Variants in NFATC3 observed in about 807,000 individuals in gnomAD.
The protein encoded by NFATC3 is nuclear factor of activated T-cells, cytoplasmic 3.
In NFATC3, 46 loss-of-function variants were observed where a neutral mutation model predicts 98.6. The observed-to-expected ratio is 0.47, with a 90% CI of 0.37 to 0.60. The LOEUF is 0.60. Among genes scored for constraint, NFATC3 ranks in the 20% least tolerant of loss-of-function variants. NFATC3 has a pLI of 0.00. For synonymous variants in NFATC3, 512 were observed against 472.2 expected (o/e 1.08, Z -1.09); for missense variants, 1,256 against 1,295.5 (o/e 0.97, Z 0.47).
intron 1 of NFATC3, among the ~76,000 whole-genome samples, chr16:68,105,665 T>C (rs935387465): frequency 7.2e-5 from 11 of 152,152 alleles, no homozygotes; most frequent in African/African-American, 2.2e-4. Flanking sequence ...ATGTGAGAAG[T>C]AGTGCTGTTA....
intron 1 of NFATC3, among the ~76,000 whole-genome samples, chr16:68,099,625 TAATAATAAA>T (rs1205886606): frequency 4.0e-5 from 6 of 150,836 alleles, no homozygotes; most frequent in African/African-American, 1.5e-4. Context: ...ATAATAATAA[TAATAATAAA>T]AAATATAGAA....
chr16:68,114,513 A>G (rs2036161576), intron 1 of NFATC3, among the ~76,000 whole-genome samples: 1 of 152,028 alleles, frequency 6.6e-6, no homozygotes, highest in Admixed American at 6.5e-5. Context: ...TGACTCTTCA[A>G]TAAATAACAA....
chr16:68,087,186 A>T (rs2034427894), intron 1 of NFATC3, among the ~76,000 whole-genome samples: 1 of 152,238 alleles, frequency 6.6e-6, no homozygotes, highest in Non-Finnish European at 1.5e-5. Flanking sequence ...TTTTATTGTA[A>T]AAGAGATAAA....
chr16:68,225,343 A>T (rs1433610986), intron 9 of NFATC3: 1 of 152,244 alleles, frequency 6.6e-6, no homozygotes, highest in African/African-American at 2.4e-5. Flanking sequence ...TACAACCTGT[A>T]ATCTATTTTC....
intron 9 of NFATC3, among the ~76,000 whole-genome samples, chr16:68,213,138 G>A (rs1383624177): frequency 3.3e-5 from 5 of 151,084 alleles, no homozygotes; most frequent in Admixed American, 6.6e-5. Flanking sequence ...TTCAGGGGCC[G>A]GGTGCAGTGG....
At position 68,221,483 on chromosome 16, in the gene NFATC3, A is replaced by G. The variant is rs1035212684; in HGVS notation, c.3107-4867A>G. ...TTACTTGAGCATGATTTTTGTTGTC[A>G]TTGTTCCAAGTCCCCAAATTGTTTT... is the stretch of plus-strand genomic sequence containing the variant. On this transcript the variant is annotated intron_variant, in intron 9 of 9. Transcript: ENST00000346183. 3.9e-6 allele frequency: 5 copies of G among 1,289,434 alleles called. No homozygotes were observed. In the African/African-American group the frequency reaches 6.0e-5, roughly 15 times the overall value. The allele number at this position is 1,289,434 out of a possible 1,614,324, so 79.9% of individuals were successfully genotyped here.
At chr16:68,206,520 T>C (rs959437356) in intron 9 of NFATC3, among the ~76,000 whole-genome samples, 2 of 152,248 alleles carry the variant, frequency 1.3e-5, no homozygotes, top group African/African-American at 2.4e-5. Context: ...GTCTGGCTTA[T>C]TTCACTTAGC....
intron 5 of NFATC3, among the ~76,000 whole-genome samples, chr16:68,168,706 G>A (rs550008342): frequency 6.5e-4 from 97 of 149,530 alleles, no homozygotes; most frequent in African/African-American, 2.0e-3. Context: ...GGCTAGTCTC[G>A]AACTCCTGAC....
chr16:68,114,236 C>T (rs1046409537), intron 1 of NFATC3, among the ~76,000 whole-genome samples: 4 of 152,160 alleles, frequency 2.6e-5, no homozygotes, highest in Non-Finnish European at 5.9e-5. Context: ...CTCTACCCTG[C>T]TTTTCCTAGC....
chr16:68,086,357 C>T (rs909183193), intron 1 of NFATC3, among the ~76,000 whole-genome samples: 1 of 152,002 alleles, frequency 6.6e-6, no homozygotes, highest in Non-Finnish European at 1.5e-5. Flanking sequence ...ACTGGATTTC[C>T]TTACTTGAAT....
At chr16:68,177,777 CTTTCTCTT>C (rs2080213129) in intron 6 of NFATC3, among the ~76,000 whole-genome samples, 1 of 152,032 alleles carries the variant, frequency 6.6e-6, no homozygotes, top group Non-Finnish European at 1.5e-5. Context: ...TAAATATTCC[CTTTCTCTT>C]AAATCTGTCA....
At chr16:68,160,421 C>T (rs1296717726) in intron 4 of NFATC3, among the ~76,000 whole-genome samples, 5 of 151,914 alleles carry the variant, frequency 3.3e-5, no homozygotes, top group African/African-American at 9.7e-5. Context: ...CCCCAGATTG[C>T]GCCATTGCAC....
At chr16:68,206,135 G>A (rs2041134828) in intron 9 of NFATC3, among the ~76,000 whole-genome samples, 1 of 152,096 alleles carries the variant, frequency 6.6e-6, no homozygotes, top group Admixed American at 6.6e-5. Context: ...TTTTAAAAGA[G>A]GGATTTACAA....
intron 1 of NFATC3, among the ~76,000 whole-genome samples, chr16:68,098,385 C>G (rs2035155509): frequency 6.7e-6 from 1 of 149,784 alleles, no homozygotes. Flanking sequence ...ACTGCAACCT[C>G]CCAACTCCCT....
At chr16:68,173,894 A>T (rs2039577997) in intron 5 of NFATC3, among the ~76,000 whole-genome samples, 1 of 152,176 alleles carries the variant, frequency 6.6e-6, no homozygotes, top group Admixed American at 6.5e-5. Flanking sequence ...CAAGCCTATA[A>T]TGCCAGCACT....
At chr16:68,177,297 C>T (rs928426647) in intron 6 of NFATC3, among the ~76,000 whole-genome samples, 3 of 152,056 alleles carry the variant, frequency 2.0e-5, no homozygotes, top group Non-Finnish European at 2.9e-5. Context: ...GTGATCCGCC[C>T]GTCTTGGCCT....
chr16:68,141,692 T>G (rs2037760534), intron 3 of NFATC3, among the ~76,000 whole-genome samples: 1 of 152,238 alleles, frequency 6.6e-6, no homozygotes, highest in South Asian at 2.1e-4. Context: ...TTGAGTTCCT[T>G]GTAGATTCTG....
chr16:68,184,010 A>C (rs2040059592), intron 8 of NFATC3, among the ~76,000 whole-genome samples: 1 of 151,566 alleles, frequency 6.6e-6, no homozygotes, highest in Non-Finnish European at 1.5e-5. Context: ...GTCACAAAAA[A>C]AAAAAAAAAA....
chr16:68,171,940 C>G lies in NFATC3; in HGVS notation c.1775-2434C>G, dbSNP rs543153107. ...AGTAGCCAGGATTACAGGCGTGCAC[C>G]ACCACACCTGGCTAATTTTTGTATT... On this transcript the variant is annotated intron_variant, in intron 5 of 9. Transcript: ENST00000346183. Among the ~76,000 whole-genome samples the G allele has an allele frequency of 2.6e-5, 4 of 152,110 alleles. No individual in the cohort carries two copies. In the East Asian group the frequency reaches 7.7e-4, roughly 29 times the overall value.
Sources: allele counts gnomAD v4.1 joint callset (sites outside exome capture counted in the v4.1 genomes callset), GRCh38; gene constraint gnomAD v4.1.1; transcripts MANE v1.5; gene names NCBI Gene and HGNC (gene_info 2026-07-23, HGNC 2026-07-21).